The following CELSR1 variants were observed in gnomAD, a reference collection of about 807,000 sequenced individuals.
CELSR1 encodes the protein adhesion G protein-coupled receptor C1.
In CELSR1, 110 loss-of-function variants were observed where a neutral mutation model predicts 249.1. The observed-to-expected ratio is 0.44, with a 90% CI of 0.38 to 0.52. The LOEUF (loss-of-function observed/expected upper bound fraction) is 0.52, where lower values mean the gene tolerates loss of function less well. Among genes scored for constraint, CELSR1 ranks in the 20% least tolerant of loss-of-function variants. The pLI, the probability that CELSR1 is intolerant of heterozygous loss-of-function variation, is 0.00. For missense variants in CELSR1, 4,109 were observed against 4,296.4 expected (o/e 0.96, Z 1.22); for synonymous variants, 2,113 against 1,900.0 (o/e 1.11, Z -2.92).
chr22:46,483,717 G>A (rs2080289061), intron 1 of CELSR1, among the ~76,000 whole-genome samples: 1 of 152,184 alleles, frequency 6.6e-6, no homozygotes, highest in South Asian at 2.1e-4. Context: ...AGGGATGTGG[G>A]GCCCAGAAAG....
Position 46,536,847 on chromosome 22 carries a change from G to T in CELSR1, c.324C>A (p.Arg108=). The T allele has an allele frequency of 8.1e-7, 1 of 1,232,848 alleles. No individual in the cohort carries two copies. Among genetic ancestry groups the T allele is most frequent in the Non-Finnish European group, 1.0e-6 (1 of 983,882 alleles). The allele number at this position is 1,232,848 out of a possible 1,614,324, so 76.4% of individuals were successfully genotyped here. A position where few individuals can be genotyped will look rare whatever the true frequency, so the allele number is the denominator to read the frequency against. ...GGGCTCCGCAGCCGGGAAGGTGCGT[G>T]CGCGCCCGCAGGCGGCGGCTCAGCG... ...PTALSRRLRA[R]THLPGCGARA... Residue 108 remains arginine (R), a synonymous_variant, in exon 1 of 35, where the codon CGC becomes CGA. Transcript: ENST00000674500.
chr22:46,406,605 T>C lies in CELSR1; in HGVS notation c.5226+2391A>G, dbSNP rs2079268858. The stretch of plus-strand genomic sequence containing the variant: ...GGGCATGTGCTGGGCAGTCCCTCTG[T>C]CCACCCGCCAACCCTCATGCCAATC... On this transcript the variant is annotated intron_variant, in intron 9 of 34. Coordinates refer to ENST00000674500, the MANE Select transcript of CELSR1 (RefSeq NM_001378328.1). The surrounding 1 kb of genome is among the most constrained non-coding windows in gnomAD (Gnocchi z 5.4). 6.6e-6 allele frequency among the ~76,000 whole-genome samples: 1 copy of C among 152,168 alleles called. No individual in the cohort carries two copies. Among genetic ancestry groups the C allele is most frequent in the Admixed American group, 6.5e-5 (1 of 15,268 alleles).
intron 1 of CELSR1, among the ~76,000 whole-genome samples, chr22:46,467,270 G>A (rs564223716): frequency 2.0e-5 from 3 of 152,100 alleles, no homozygotes; most frequent in South Asian, 2.1e-4. Flanking sequence ...AACATTCAGC[G>A]ACCCTAAGCT....
Position 46,463,771 on chromosome 22 carries a change from G to C in CELSR1, c.4119C>G (p.Gly1373=). ...EIDLCYSDPC[G]ANGRCRSREG... is the part of the protein sequence containing the mutation. ...CGCGGCTGCGGCAGCGGCCGTTGGC[G>C]CCGCACGGGTCGGAGTAGCAGAGGT... The change falls in exon 2 of 35, where the codon GGC becomes GGG. Residue 1373 remains glycine, a synonymous_variant. Transcript: ENST00000674500. The C allele has an allele frequency of 6.4e-7, 1 of 1,574,378 alleles. No homozygotes were observed. The highest frequency in any genetic ancestry group is 8.6e-7 in the Non-Finnish European group (1 of 1,160,572).
chr22:46,384,776 C>CGCTG, intron 19 of CELSR1, 90 bp from the exon 20 acceptor site: 1 of 1,343,418 alleles, frequency 7.4e-7, no homozygotes, highest in Non-Finnish European at 1.0e-6. Context: ...GTCACACTGA[C>CGCTG]GCTGGCTGGC....
chr22:46,524,559 T>TGTGC (rs1439641693), intron 1 of CELSR1, among the ~76,000 whole-genome samples: 1 of 122,836 alleles, frequency 8.1e-6, no homozygotes, highest in African/African-American at 2.7e-5. Flanking sequence ...TGTGTGTGTG[T>TGTGC]GTGTGTGTGT....
intron 1 of CELSR1, among the ~76,000 whole-genome samples, chr22:46,467,892 G>T (rs1331389729): frequency 6.6e-6 from 1 of 152,114 alleles, no homozygotes; most frequent in Non-Finnish European, 1.5e-5. Flanking sequence ...AGGATGGGGT[G>T]GCAGGGAGTG....
chr22:46,439,317 G>T lies in CELSR1; in HGVS notation c.4278C>A (p.Phe1426Leu). Reference protein sequence around the residue: ...GTCVNLLIGGFHCVCPPGEYE... With the variant: ...GTCVNLLIGGLHCVCPPGEYE... ...ACTCGCCAGGAGGACACACGCAGTG[G>T]AAGCCGCCGATGAGCAGGTTCACGC... The change falls in exon 3 of 35, where the codon TTC becomes TTA. Residue 1426 changes from phenylalanine to leucine, a missense_variant. Physicochemically the swap from Phe to Leu is conservative, Grantham distance 22. Around this residue, in one of 7 missense-constraint regions of CELSR1, gnomAD observed 453 missense variants for 492.0 expected, o/e 0.92. Transcript: ENST00000674500. 1 of 1,613,718 alleles carries T rather than the reference G, an allele frequency of 6.2e-7. No homozygotes were observed. Among genetic ancestry groups the T allele is most frequent in the Non-Finnish European group, 8.5e-7 (1 of 1,179,860 alleles).
At chr22:46,416,270 C>A (rs560796300) in intron 5 of CELSR1, among the ~76,000 whole-genome samples, 1 of 152,362 alleles carries the variant, frequency 6.6e-6, no homozygotes, top group East Asian at 1.9e-4. Context: ...TGGAAAGCGC[C>A]GGGCACAGGA....
Position 46,365,691 on chromosome 22 carries a change from T to C in CELSR1, c.8301-2A>G. The C allele has an allele frequency of 6.4e-7, 1 of 1,567,560 alleles. No individual in the cohort carries two copies. Among genetic ancestry groups the C allele is most frequent in the Admixed American group, 1.9e-5 (1 of 53,374 alleles). On this transcript the variant is annotated splice_acceptor_variant, in intron 30 of 34. Transcript: ENST00000674500. LOFTEE classifies it high-confidence loss of function. ...CCGAGCTTCTGGATCCCTTCATCCC[T>C]AGAGAGGCCAGGGAGGGTGGGCTCA...
At chr22:46,523,527 CAAATAAAT>C (rs35618954) in intron 1 of CELSR1, among the ~76,000 whole-genome samples, 77,204 of 143,388 alleles carry the variant, frequency 0.54, 23,830 homozygotes, top group East Asian at 0.83. Context: ...GACTCTGTCT[CAAATAAAT>C]AAATAAATAA....
At position 46,526,746 on chromosome 22, in the gene CELSR1, GCTC is replaced by G. The variant is rs1268431699; in HGVS notation, c.3544+6878_3544+6880del. The stretch of plus-strand genomic sequence containing the variant: ...CACCCAGGAGGCTATTCGGGCCATG[GCTC>G]CTCAAGGCTGGGCCTGGGTCCCCTC... On this transcript the variant is annotated intron_variant, in intron 1 of 34. Transcript: ENST00000674500. This position sits in a 1 kb window ranked among gnomAD's most constrained non-coding sequence, Gnocchi z 4.7. 1.3e-5 allele frequency among the ~76,000 whole-genome samples: 2 copies of G among 152,132 alleles called. No individual in the cohort carries two copies. The highest frequency in any genetic ancestry group is 2.9e-5 in the Non-Finnish European group (2 of 68,032).
At chr22:46,525,770 C>A (rs1163367715) in intron 1 of CELSR1, among the ~76,000 whole-genome samples, 1 of 152,260 alleles carries the variant, frequency 6.6e-6, no homozygotes, top group Non-Finnish European at 1.5e-5. Flanking sequence ...CCCCATCTAC[C>A]CACCTATCCC....
At position 46,462,881 on chromosome 22, in the gene CELSR1, G is replaced by A. The variant is rs149016776; in HGVS notation, c.4183+826C>T. 2.0e-3 allele frequency: 947 copies of A among 467,084 alleles called. 5 individuals are homozygous for A. Among genetic ancestry groups the A allele is most frequent in the African/African-American group, 0.017 (852 of 49,830 alleles). 28.9% of individuals were successfully genotyped at this position (467,084 alleles called of 1,614,324 possible). A position where few individuals can be genotyped will look rare whatever the true frequency, so the allele number is the denominator to read the frequency against. Reference sequence around the variant, plus strand: ...GATGAGTCAGGAGGTATCAAGGAAAGAGCATCTTCAGAGGCGGGAGGATGA... The same window carrying A: ...GATGAGTCAGGAGGTATCAAGGAAAAAGCATCTTCAGAGGCGGGAGGATGA... On this transcript the variant is annotated intron_variant, in intron 2 of 34. Coordinates refer to ENST00000674500, the MANE Select transcript of CELSR1 (RefSeq NM_001378328.1).
chr22:46,473,520 A>G lies in CELSR1; in HGVS notation c.3545-9175T>C, dbSNP rs2147631898. Among the ~76,000 whole-genome samples, 1 of 151,992 alleles carries G rather than the reference A, an allele frequency of 6.6e-6. No homozygotes were observed. The highest frequency in any genetic ancestry group is 2.1e-4 in the South Asian group (1 of 4,808). On this transcript the variant is annotated intron_variant, in intron 1 of 34. Transcript: ENST00000674500. This position sits in a 1 kb window ranked among gnomAD's most constrained non-coding sequence, Gnocchi z 6.6. ...TTATTCACTGTGAGTCTCCGTCACCACCCCATGCACCAAAGCCTGGGGGGC... is the reference window on the plus strand; with the variant it reads ...TTATTCACTGTGAGTCTCCGTCACCGCCCCATGCACCAAAGCCTGGGGGGC...
At position 46,380,446 on chromosome 22, in the gene CELSR1, T is replaced by A. The variant is rs546448893; in HGVS notation, c.7256+342A>T. On this transcript the variant is annotated intron_variant, in intron 22 of 34. Coordinates refer to ENST00000674500, the MANE Select transcript of CELSR1 (RefSeq NM_001378328.1). The surrounding 1 kb of genome is among the most constrained non-coding windows in gnomAD (Gnocchi z 5.1). ...GGAATGGGCCTGTCTTATCCGGCGG[T>A]GAACTGGGCACTACACTAGTGTTGG... Among the ~76,000 whole-genome samples, 1 of 152,280 alleles carries A rather than the reference T, an allele frequency of 6.6e-6. No individual in the cohort carries two copies. Among genetic ancestry groups the A allele is most frequent in the Non-Finnish European group, 1.5e-5 (1 of 68,024 alleles).
At chr22:46,435,282 T>A (rs1410749865) in intron 4 of CELSR1, among the ~76,000 whole-genome samples, 84 of 123,746 alleles carry the variant, frequency 6.8e-4, no homozygotes, top group African/African-American at 2.7e-3. Context: ...AAAAAAAATT[T>A]TTTTTTTTTT....
rs1183161723 is a variant in CELSR1 at position 46,374,574 on chromosome 22, G to C, written c.7585-1517C>G. ...GCCCTTTCCTTCTCCATGCTCAGCC[G>C]TGCGTGGCTGCCGGGACAGCGCTCA... On this transcript the variant is annotated intron_variant, in intron 24 of 34. Coordinates refer to ENST00000674500, the MANE Select transcript of CELSR1 (RefSeq NM_001378328.1). The surrounding 1 kb of genome is among the most constrained non-coding windows in gnomAD (Gnocchi z 4.3). Among the ~76,000 whole-genome samples the C allele has an allele frequency of 6.6e-6, 1 of 152,042 alleles. No homozygotes were observed. Among genetic ancestry groups the C allele is most frequent in the African/African-American group, 2.4e-5 (1 of 41,382 alleles).
chr22:46,364,861 C>T, intron 32 of CELSR1, 125 bp from the exon 33 acceptor site: 1 of 1,012,670 alleles, frequency 9.9e-7, no homozygotes. Context: ...GGGCTGAACC[C>T]TAAAGGTGGG....
Sources: gnomAD v4.1 joint callset for allele counts (sites outside exome capture counted in the v4.1 genomes callset) on GRCh38, gnomAD v4.1.1 for gene constraint, gnomAD v4.1.1 regional missense constraint, Gnocchi (gnomAD v3.1) non-coding constraint, MANE v1.5 for transcripts, NCBI Gene and HGNC (gene_info 2026-07-23, HGNC 2026-07-21) for gene names.